PTH2R: variants seen among roughly 807,000 people sequenced by gnomAD.
The protein encoded by PTH2R is PTH2 receptor.
Under a neutral mutation model 60.3 loss-of-function variants are expected in PTH2R, and 59 were observed. That is an observed-to-expected ratio of 0.98 (90% CI 0.79 to 1.22). The LOEUF (loss-of-function observed/expected upper bound fraction) is 1.22. Among genes scored for constraint, PTH2R ranks in the 50% most tolerant of loss-of-function variants. The pLI is 0.00. For missense variants in PTH2R, 749 were observed against 682.6 expected (o/e 1.10, Z -1.08); for synonymous variants, 256 against 243.8 (o/e 1.05, Z -0.47).
At chr2:208,424,405 A>G (rs1701816424) in intron 1 of PTH2R, among the ~76,000 whole-genome samples, 1 of 152,158 alleles carries the variant, frequency 6.6e-6, no homozygotes, top group South Asian at 2.1e-4. Context: ...TCCATGTAGT[A>G]AACTGTGGTT....
chr2:208,387,105 T>A (rs1203712882), intron 1 of PTH2R, among the ~76,000 whole-genome samples: 1 of 152,224 alleles, frequency 6.6e-6, no homozygotes, highest in African/African-American at 2.4e-5. Flanking sequence ...AATGTTCTCT[T>A]CTTTTTGAGC....
rs142491028 is a variant in PTH2R at position 208,400,612 on chromosome 2, C to T, written c.-258-27589C>T. Among the ~76,000 whole-genome samples the T allele has an allele frequency of 3.5e-3, 535 of 152,210 alleles. 3 individuals are homozygous for T. The highest frequency in any genetic ancestry group is 0.012 in the African/African-American group (506 of 41,514). ...ATTAGGTTTGTGGTACTATCTATAA[C>T]CTTTTATAAAGATCTCATTGATTTA... On this transcript the variant is annotated intron_variant, in intron 1 of 12. Transcript: ENST00000617735.
chr2:208,400,217 G>A (rs1260543658), intron 1 of PTH2R, among the ~76,000 whole-genome samples: 2 of 152,050 alleles, frequency 1.3e-5, no homozygotes, highest in African/African-American at 4.8e-5. Flanking sequence ...CTTGTTTATT[G>A]AAAACAAAAT....
At chr2:208,397,179 T>C (rs1230641849) in intron 1 of PTH2R, among the ~76,000 whole-genome samples, 1 of 151,820 alleles carries the variant, frequency 6.6e-6, no homozygotes, top group Non-Finnish European at 1.5e-5. Flanking sequence ...GGGGGAGGGA[T>C]AGCATTAGGA....
At chr2:208,391,926 C>G (rs1701115427) in intron 1 of PTH2R, among the ~76,000 whole-genome samples, 1 of 152,184 alleles carries the variant, frequency 6.6e-6, no homozygotes, top group South Asian at 2.1e-4. Context: ...AGTATATAAT[C>G]CACATACTGC....
chr2:208,396,900 C>G (rs980438769), intron 1 of PTH2R, among the ~76,000 whole-genome samples: 1 of 152,116 alleles, frequency 6.6e-6, no homozygotes, highest in African/African-American at 2.4e-5. Flanking sequence ...AGACTCGGAA[C>G]CAACCCAAAT....
intron 1 of PTH2R, 117 bp from the exon 2 acceptor site, chr2:208,428,084 T>A (rs1240586799): frequency 1.4e-6 from 1 of 731,444 alleles, no homozygotes; most frequent in Non-Finnish European, 2.2e-6. Flanking sequence ...AAGGACTATT[T>A]CAAATAGCTT....
intron 1 of PTH2R, among the ~76,000 whole-genome samples, chr2:208,364,319 G>A (rs964441043): frequency 1.3e-5 from 2 of 152,054 alleles, no homozygotes; most frequent in Admixed American, 6.6e-5. Flanking sequence ...ATGTCCTGAC[G>A]ATTTTTTTCT....
At chr2:208,363,238 A>G (rs1243048913) in intron 1 of PTH2R, among the ~76,000 whole-genome samples, 2 of 151,996 alleles carry the variant, frequency 1.3e-5, no homozygotes, top group East Asian at 3.9e-4. Context: ...ATCTGTGTGT[A>G]GTCAATGTTT....
chr2:208,399,028 C>A lies in PTH2R; in HGVS notation c.-258-29173C>A, dbSNP rs541303952. Reference sequence around the variant, plus strand: ...TTATAAGCAATATGTGCAGAGACATCGTTCAAACAAAGGGAATAATTCCAG... The same window carrying A: ...TTATAAGCAATATGTGCAGAGACATAGTTCAAACAAAGGGAATAATTCCAG... On this transcript the variant is annotated intron_variant, in intron 1 of 12. Transcript: ENST00000617735. 2.0e-5 allele frequency among the ~76,000 whole-genome samples: 3 copies of A among 152,302 alleles called. No individual in the cohort carries two copies. The East Asian group carries it at 5.8e-4, about 29-fold the overall frequency.
At chr2:208,463,936 T>TA (rs1400502032) in intron 9 of PTH2R, among the ~76,000 whole-genome samples, 1 of 152,238 alleles carries the variant, frequency 6.6e-6, no homozygotes, top group East Asian at 1.9e-4. Flanking sequence ...ACTCTCCTTG[T>TA]ATCCCATAAA....
intron 7 of PTH2R, among the ~76,000 whole-genome samples, chr2:208,449,735 C>T (rs1702365003): frequency 1.3e-5 from 2 of 152,110 alleles, no homozygotes; most frequent in Admixed American, 1.3e-4. Flanking sequence ...TTTTCTAAGC[C>T]TATTTCTTTG....
At position 208,454,171 on chromosome 2, in the gene PTH2R, T is replaced by C. The variant is rs544150551; in HGVS notation, c.914+3362T>C. On this transcript the variant is annotated intron_variant, in intron 8 of 12. Coordinates refer to ENST00000272847, the MANE Select transcript of PTH2R (RefSeq NM_005048.4). The stretch of plus-strand genomic sequence containing the variant: ...GAATGAACATGAAAAAATTCTTTTT[T>C]TTTTGGTATTATTTCTATTTAAATA... Among the ~76,000 whole-genome samples, 3 of 152,288 alleles carry C rather than the reference T, an allele frequency of 2.0e-5. No individual in the cohort carries two copies. The South Asian group carries it at 6.2e-4, about 32-fold the overall frequency.
At chr2:208,410,474 G>A (rs965003536) in intron 1 of PTH2R, among the ~76,000 whole-genome samples, 7 of 152,098 alleles carry the variant, frequency 4.6e-5, no homozygotes, top group African/African-American at 1.7e-4. Context: ...AGCAATCTCC[G>A]CCCCGAGTCT....
intron 8 of PTH2R, 69 bp from the exon 9 acceptor site, chr2:208,459,825 TA>T: frequency 7.5e-7 from 1 of 1,342,190 alleles, no homozygotes; most frequent in Middle Eastern, 1.8e-4. Flanking sequence ...TGGTAAAACT[TA>T]AAATTCTACT....
At chr2:208,389,947 T>C (rs1485860114) in intron 1 of PTH2R, among the ~76,000 whole-genome samples, 1 of 151,322 alleles carries the variant, frequency 6.6e-6, no homozygotes, top group East Asian at 2.0e-4. Context: ...GGGTCTCGAG[T>C]TCCATGAGGG....
chr2:208,436,598 G>T (rs549680706), intron 2 of PTH2R, among the ~76,000 whole-genome samples: 93 of 152,206 alleles, frequency 6.1e-4, no homozygotes, highest in Non-Finnish European at 1.1e-3. Context: ...AGCTGCCTGG[G>T]CTGGATAGAA....
intron 9 of PTH2R, among the ~76,000 whole-genome samples, chr2:208,477,393 G>A (rs1035230544): frequency 6.6e-6 from 1 of 152,084 alleles, no homozygotes; most frequent in Non-Finnish European, 1.5e-5. Flanking sequence ...CTGAGCAGCC[G>A]GCACTTCCAT....
intron 1 of PTH2R, among the ~76,000 whole-genome samples, chr2:208,375,997 C>T (rs1317986013): frequency 6.6e-6 from 1 of 152,106 alleles, no homozygotes; most frequent in Non-Finnish European, 1.5e-5. Context: ...AAATAGGTTT[C>T]AGACTTTCCT....
Sources: gnomAD v4.1 joint callset for allele counts (sites outside exome capture counted in the v4.1 genomes callset) on GRCh38, gnomAD v4.1.1 for gene constraint, MANE v1.5 for transcripts, NCBI Gene and HGNC (gene_info 2026-07-23, HGNC 2026-07-21) for gene names.